Variants in FAM168A observed in about 807,000 individuals in gnomAD.
FAM168A encodes the protein family with sequence similarity 168 member A.
Under a neutral mutation model 28.5 loss-of-function variants are expected in FAM168A, and 3 were observed. That is an observed-to-expected ratio of 0.11 (90% confidence interval 0.05 to 0.27). The LOEUF (loss-of-function observed/expected upper bound fraction) is 0.27. Ranked by LOEUF, FAM168A falls within the 10% of genes least tolerant of loss-of-function variation. The pLI is 1.00. For synonymous variants in FAM168A, 122 were observed against 124.2 expected, an observed-to-expected ratio of 0.98 and a Z score of 0.12; for missense variants, 222 against 311.5, an observed-to-expected ratio of 0.71 and a Z score of 2.16.
chr11:73,441,279 G>A (rs752724199), intron 2 of FAM168A, among the ~76,000 whole-genome samples: 7 of 152,060 alleles, frequency 4.6e-5, no homozygotes, highest in African/African-American at 9.6e-5. Flanking sequence ...AGATGGTCTC[G>A]ATCTCCTGAC....
At chr11:73,471,128 T>C (rs1165618927) in intron 1 of FAM168A, among the ~76,000 whole-genome samples, 1 of 152,172 alleles carries the variant, frequency 6.6e-6, no homozygotes, top group Non-Finnish European at 1.5e-5. Flanking sequence ...TAGATGGGAT[T>C]CCCAGCTTCT....
chr11:73,569,693 G>C (rs1002517004), intron 1 of FAM168A, among the ~76,000 whole-genome samples: 3 of 151,914 alleles, frequency 2.0e-5, no homozygotes, highest in Admixed American at 2.0e-4. Flanking sequence ...GTGGTGATGC[G>C]CACCTGTGGT....
chr11:73,567,176 A>G (rs1420727649), intron 1 of FAM168A, among the ~76,000 whole-genome samples: 1 of 152,174 alleles, frequency 6.6e-6, no homozygotes, highest in African/African-American at 2.4e-5. Context: ...AGAGAAAGGA[A>G]TAGATTCGAG....
chr11:73,570,670 G>A (rs1944075268), intron 1 of FAM168A, among the ~76,000 whole-genome samples: 1 of 150,668 alleles, frequency 6.6e-6, no homozygotes, highest in Non-Finnish European at 1.5e-5. Context: ...GGAAGCTGAG[G>A]CTGCAATGAA....
At chr11:73,569,357 G>T (rs557327317) in intron 1 of FAM168A, among the ~76,000 whole-genome samples, 1 of 152,158 alleles carries the variant, frequency 6.6e-6, no homozygotes, top group South Asian at 2.1e-4. Flanking sequence ...CACACACAGC[G>T]GTCTTATCCA....
intron 1 of FAM168A, among the ~76,000 whole-genome samples, chr11:73,579,346 T>A (rs1303672550): frequency 6.6e-6 from 1 of 152,198 alleles, no homozygotes; most frequent in Non-Finnish European, 1.5e-5. Context: ...ATCTAATGGA[T>A]AGAGAAAATA....
chr11:73,468,552 C>G, intron 1 of FAM168A, 60 bp from the exon 2 acceptor site: 1 of 1,318,020 alleles, frequency 7.6e-7, no homozygotes, highest in Admixed American at 1.8e-5. Context: ...CTGACATCAG[C>G]TTCTCCTCCA....
chr11:73,441,598 A>G (rs1320199425), intron 2 of FAM168A, among the ~76,000 whole-genome samples: 2 of 152,200 alleles, frequency 1.3e-5, no homozygotes, highest in Admixed American at 6.5e-5. Flanking sequence ...GATTGGTGAT[A>G]ATTCTTACTC....
At position 73,401,958 on chromosome 11, in the gene FAM168A, G is replaced by A. The variant is rs1866419632; in HGVS notation, c.*4805C>T. 2 of 152,372 alleles carry A rather than the reference G, an allele frequency of 1.3e-5. No individual in the cohort carries two copies. The highest frequency in any genetic ancestry group is 1.5e-5 in the Non-Finnish European group (1 of 68,044). The allele number at this position is 152,372 out of a possible 1,614,324, so 9.4% of individuals were successfully genotyped here. ...AAACGAGGAGTTTTCTAGGAAAGGG[G>A]CAGATAAGTAAAGGACAAACCCTGC... is the stretch of plus-strand genomic sequence containing the variant. On this transcript the variant is annotated 3_prime_UTR_variant, in exon 8 of 8. Coordinates refer to ENST00000356467, the MANE Select transcript of FAM168A (RefSeq NM_015159.3).
chr11:73,521,736 C>A (rs1304577884), intron 1 of FAM168A, among the ~76,000 whole-genome samples: 1 of 152,044 alleles, frequency 6.6e-6, no homozygotes, highest in African/African-American at 2.4e-5. Flanking sequence ...TGATGTAAAC[C>A]ACCAGGATAC....
At chr11:73,512,707 G>T (rs1224065220) in intron 1 of FAM168A, among the ~76,000 whole-genome samples, 1 of 151,654 alleles carries the variant, frequency 6.6e-6, no homozygotes, top group Non-Finnish European at 1.5e-5. Flanking sequence ...ATTCTATACT[G>T]CACTATTCTA....
At chr11:73,477,368 AG>A (rs1867902481) in intron 1 of FAM168A, among the ~76,000 whole-genome samples, 1 of 152,154 alleles carries the variant, frequency 6.6e-6, no homozygotes, top group Admixed American at 6.6e-5. Flanking sequence ...CTAAAATAAA[AG>A]TCAAGGGGGA....
intron 4 of FAM168A, among the ~76,000 whole-genome samples, chr11:73,412,858 G>A (rs1299169105): frequency 1.3e-5 from 2 of 152,134 alleles, no homozygotes; most frequent in Non-Finnish European, 2.9e-5. Flanking sequence ...TTTCAGCTCC[G>A]AGGTGCTGTT....
intron 1 of FAM168A, among the ~76,000 whole-genome samples, chr11:73,478,500 T>G (rs907138991): frequency 1.3e-5 from 2 of 152,060 alleles, no homozygotes; most frequent in African/African-American, 4.8e-5. Flanking sequence ...GCAAGAGATT[T>G]CTTTGGTGTG....
intron 1 of FAM168A, among the ~76,000 whole-genome samples, chr11:73,573,604 T>C (rs1285478756): frequency 6.6e-6 from 1 of 152,192 alleles, no homozygotes; most frequent in African/African-American, 2.4e-5. Context: ...AAAATGTCTT[T>C]ATATAGTTCA....
chr11:73,441,843 G>A (rs1340359744), intron 2 of FAM168A, among the ~76,000 whole-genome samples: 2 of 152,122 alleles, frequency 1.3e-5, no homozygotes. Flanking sequence ...TCTATTAAAA[G>A]TCTGTAGTAA....
In FAM168A at chr11:73,442,074, G is replaced by A. The variant is rs538137353; in HGVS notation, c.71-11304C>T. Among the ~76,000 whole-genome samples, 19 of 150,202 alleles carry A rather than the reference G, an allele frequency of 1.3e-4. No homozygotes were observed. The South Asian group carries it at 1.5e-3, about 12-fold the overall frequency. On this transcript the variant is annotated intron_variant, in intron 2 of 7. Coordinates refer to ENST00000356467, the MANE Select transcript of FAM168A (RefSeq NM_015159.3). ...TAGGCTTCATTTGCTCTTTTTCCCC[G>A]CAGTGTGTTAAGGTGAAAGATTCAG...
intron 1 of FAM168A, among the ~76,000 whole-genome samples, chr11:73,549,103 A>G (rs546657412): frequency 6.6e-5 from 10 of 152,086 alleles, no homozygotes; most frequent in Non-Finnish European, 1.5e-4. Flanking sequence ...CACCATGCCC[A>G]GCTAATTTTT....
At chr11:73,584,542 C>T (rs1316515313) in intron 1 of FAM168A, among the ~76,000 whole-genome samples, 4 of 148,538 alleles carry the variant, frequency 2.7e-5, no homozygotes, top group East Asian at 4.0e-4. Context: ...GGCGCAATCT[C>T]GGCTCACTGC....
Sources: gnomAD v4.1 joint callset for allele counts (sites outside exome capture counted in the v4.1 genomes callset) on GRCh38, gnomAD v4.1.1 for gene constraint, MANE v1.5 for transcripts, NCBI Gene and HGNC (gene_info 2026-07-23, HGNC 2026-07-21) for gene names.